Variants in ARB2A observed in about 807,000 individuals in gnomAD.
ARB2A encodes ARB2 cotranscriptional regulator A, also known as cotranscriptional regulator ARB2A.
chr5:94,053,069 T>C, the ARB2A span: 1 of 457,734 alleles, frequency 2.2e-6, no homozygotes, highest in Non-Finnish European at 3.2e-6. Context: ...ATTTTGCATA[T>C]ACTATAGATA....
chr5:93,848,827 A>G, the ARB2A span, among the ~76,000 whole-genome samples: 1 of 152,232 alleles, frequency 6.6e-6, no homozygotes, highest in Non-Finnish European at 1.5e-5. Flanking sequence ...CATACCTAAC[A>G]GTATTTGGAA....
At chr5:93,667,703 C>T in the ARB2A span, among the ~76,000 whole-genome samples, 5 of 152,134 alleles carry the variant, frequency 3.3e-5, no homozygotes, top group African/African-American at 1.2e-4. Context: ...AAGCAATCCT[C>T]CTGGCATGGG....
At chr5:94,094,422 T>G in the ARB2A span, among the ~76,000 whole-genome samples, 1 of 152,146 alleles carries the variant, frequency 6.6e-6, no homozygotes, top group East Asian at 1.9e-4. Flanking sequence ...TCATTTAACC[T>G]TAATTACTTG....
At chr5:94,053,747 ACT>A in the ARB2A span, among the ~76,000 whole-genome samples, 1 of 151,998 alleles carries the variant, frequency 6.6e-6, no homozygotes, top group Non-Finnish European at 1.5e-5. Context: ...AACCAAAAAA[ACT>A]CTGTCAAGGA....
At chr5:94,042,462 C>T in the ARB2A span, among the ~76,000 whole-genome samples, 48 of 151,848 alleles carry the variant, frequency 3.2e-4, no homozygotes, top group Admixed American at 1.1e-3. Flanking sequence ...CCCGCCACCA[C>T]GCCTGGCTAA....
chr5:93,950,069 T>C, the ARB2A span, among the ~76,000 whole-genome samples: 1 of 152,198 alleles, frequency 6.6e-6, no homozygotes, highest in Non-Finnish European at 1.5e-5. Context: ...CTGAATAGTA[T>C]TCCATTGCAT....
chr5:94,076,489 A>G, the ARB2A span, among the ~76,000 whole-genome samples: 1 of 152,230 alleles, frequency 6.6e-6, no homozygotes, highest in Non-Finnish European at 1.5e-5. Flanking sequence ...AAATATGGTC[A>G]CTGCCCTCCT....
chr5:94,064,559 A>G, the ARB2A span, among the ~76,000 whole-genome samples: 1 of 152,228 alleles, frequency 6.6e-6, no homozygotes, highest in African/African-American at 2.4e-5. Context: ...AAACTGTCAG[A>G]AGTCAAAGAA....
At chr5:93,726,785 A>G in the ARB2A span, among the ~76,000 whole-genome samples, 1 of 152,096 alleles carries the variant, frequency 6.6e-6, no homozygotes, top group Non-Finnish European at 1.5e-5. Context: ...CAGTGCTCTA[A>G]AACATGAGCT....
chr5:93,961,483 G>A, the ARB2A span, among the ~76,000 whole-genome samples: 2 of 152,176 alleles, frequency 1.3e-5, no homozygotes, highest in Admixed American at 1.3e-4. Context: ...CCAGGAGTTC[G>A]AAACCAACCT....
At chr5:94,071,099 T>C in the ARB2A span, among the ~76,000 whole-genome samples, 1 of 152,118 alleles carries the variant, frequency 6.6e-6, no homozygotes, top group Non-Finnish European at 1.5e-5. Flanking sequence ...TGAATGTTTT[T>C]AAAGACTGTA....
At chr5:93,719,522 A>C in the ARB2A span, among the ~76,000 whole-genome samples, 2 of 152,114 alleles carry the variant, frequency 1.3e-5, no homozygotes, top group Non-Finnish European at 2.9e-5. Flanking sequence ...CAATCAATTA[A>C]ATTTGCCACA....
At chr5:93,997,091 A>G in the ARB2A span, among the ~76,000 whole-genome samples, 5 of 152,164 alleles carry the variant, frequency 3.3e-5, no homozygotes, top group African/African-American at 1.2e-4. Flanking sequence ...TTAATTCCTG[A>G]CTAAAACTTT....
At chr5:94,022,859 G>A in the ARB2A span, among the ~76,000 whole-genome samples, 1 of 152,208 alleles carries the variant, frequency 6.6e-6, no homozygotes, top group African/African-American at 2.4e-5. Flanking sequence ...TGTACACTCA[G>A]TCAACACAAA....
At chr5:94,068,899 G>A in the ARB2A span, among the ~76,000 whole-genome samples, 3 of 151,252 alleles carry the variant, frequency 2.0e-5, no homozygotes, top group Admixed American at 6.6e-5. Flanking sequence ...GCCAGGTGTG[G>A]TGGTGGGCAC....
chr5:93,803,187 T>G, the ARB2A span, among the ~76,000 whole-genome samples: 1 of 152,084 alleles, frequency 6.6e-6, no homozygotes, highest in Non-Finnish European at 1.5e-5. Flanking sequence ...GTGGAACATG[T>G]GCAGTTTAGC....
the ARB2A span, among the ~76,000 whole-genome samples, chr5:93,892,596 A>G: frequency 6.7e-6 from 1 of 149,834 alleles, no homozygotes; most frequent in Non-Finnish European, 1.5e-5. Flanking sequence ...GGGGGGGGGA[A>G]AACCACACAC....
the ARB2A span, among the ~76,000 whole-genome samples, chr5:93,822,706 T>C: frequency 1.3e-5 from 2 of 151,994 alleles, no homozygotes; most frequent in Non-Finnish European, 2.9e-5. Context: ...AACATTCATA[T>C]TTTAAAAAGT....
chr5:93,843,160 T>C, the ARB2A span, among the ~76,000 whole-genome samples: 7 of 152,302 alleles, frequency 4.6e-5, no homozygotes, highest in East Asian at 9.7e-4. Flanking sequence ...AGATTAATTA[T>C]AGCGAAGCTC....
Sources: allele counts gnomAD v4.1 joint callset (sites outside exome capture counted in the v4.1 genomes callset), GRCh38; gene constraint gnomAD v4.1.1; transcripts MANE v1.5; gene names NCBI Gene and HGNC (gene_info 2026-07-23, HGNC 2026-07-21).